POLE: variants seen among roughly 807,000 people sequenced by gnomAD.
POLE encodes DNA polymerase epsilon catalytic subunit A.
A neutral mutation model predicts 279.2 loss-of-function variants in POLE; 188 were observed. That is an observed-to-expected ratio of 0.67 (90% CI 0.60 to 0.76). The LOEUF (loss-of-function observed/expected upper bound fraction) is 0.76, where lower values mean the gene tolerates loss of function less well. Among genes scored for constraint, POLE ranks in the 30% least tolerant of loss-of-function variants. POLE has a pLI of 0.00. For missense variants in POLE, 2,703 were observed against 3,016.7 expected, an observed-to-expected ratio of 0.90 and a Z score of 2.44; for synonymous variants, 1,214 against 1,172.5, an observed-to-expected ratio of 1.04 and a Z score of -0.72.
Position 132,683,220 on chromosome 12 carries a change from G to A in POLE, c.63-1941C>T, listed in dbSNP as rs529617119. Among the ~76,000 whole-genome samples the A allele has an allele frequency of 6.6e-5, 10 of 152,166 alleles. No individual in the cohort carries two copies. In the South Asian group the frequency reaches 1.9e-3, roughly 28 times the overall value. On this transcript the variant is annotated intron_variant, in intron 1 of 48. Coordinates refer to ENST00000320574, the MANE Select transcript of POLE (RefSeq NM_006231.4). Reference sequence around the variant, plus strand: ...GTCTTTGCAGATCTGACTAAATTAAGGGCCTTGAGATTCTGCTTAGCTGGG... The same window carrying A: ...GTCTTTGCAGATCTGACTAAATTAAAGGCCTTGAGATTCTGCTTAGCTGGG...
At chr12:132,625,890 G>A (rs952114509) in intron 46 of POLE, 120 bp from the exon 47 acceptor site, 10 of 1,395,330 alleles carry the variant, frequency 7.2e-6, no homozygotes, top group African/African-American at 1.4e-5. Context: ...AGTCTCCTGA[G>A]TGCAGCTGCA....
chr12:132,681,113 G>T (rs2043156741), intron 2 of POLE, 25 bp downstream of exon 2: 1 of 1,613,160 alleles, frequency 6.2e-7, no homozygotes, highest in Non-Finnish European at 8.5e-7. Context: ...CATATTCCTG[G>T]GTGGGAGAAG....
At position 132,649,507 on chromosome 12, in the gene POLE, C is replaced by T. The variant is rs769948095; in HGVS notation, c.3804G>A (p.Trp1268Ter). 6.2e-7 allele frequency: 1 copy of T among 1,612,610 alleles called. No homozygotes were observed. Among genetic ancestry groups the T allele is most frequent in the African/African-American group, 1.3e-5 (1 of 75,034 alleles). The change falls in exon 31 of 49, where the codon TGG becomes TGA. Residue 1268 changes from tryptophan to a stop codon, truncating the protein, a stop_gained. Coordinates refer to ENST00000320574, the MANE Select transcript of POLE (RefSeq NM_006231.4). LOFTEE classifies it high-confidence loss of function. ...TCTTGTGGAACCGGAGCCAGACAAG[C>T]CATTCCTCCTGGGATGGATGGTGAG... is the stretch of plus-strand genomic sequence containing the variant. ...PPALGTSQEE[W>*]LVWLRFHKKK...
chr12:132,677,643 C>A lies in POLE; in HGVS notation c.655G>T (p.Val219Leu), dbSNP rs2043085863. The A allele has an allele frequency of 6.2e-7, 1 of 1,614,172 alleles. No individual in the cohort carries two copies. The highest frequency in any genetic ancestry group is 8.5e-7 in the Non-Finnish European group (1 of 1,180,016). ...KKIADQLDNIVDMREYDVPYH... is the reference protein window; with the variant it reads ...KKIADQLDNILDMREYDVPYH... The stretch of plus-strand genomic sequence containing the variant: ...GGAACATCGTACTCGCGCATGTCCA[C>A]AATGTTGTCCAACTGGTCAGCTATC... Residue 219 changes from valine (V) to leucine (L), a missense_variant, in exon 7 of 49, where the codon GTG becomes TTG. Transcript: ENST00000320574.
At chr12:132,646,781 G>A (rs1011341242) in intron 32 of POLE, among the ~76,000 whole-genome samples, 5 of 138,854 alleles carry the variant, frequency 3.6e-5, no homozygotes, top group Admixed American at 7.3e-5. Context: ...GCGGTGAGCC[G>A]AGATGCGCCA....
intron 26 of POLE, 153 bp from the exon 27 acceptor site, chr12:132,658,123 A>C: frequency 1.4e-5 from 8 of 587,530 alleles, no homozygotes; most frequent in Admixed American, 3.0e-5. Flanking sequence ...ATGCACAAAC[A>C]TGCCTACAGG....
Position 132,625,765 on chromosome 12 carries a change from C to T in POLE, c.6537G>A (p.Gly2179=), listed in dbSNP as rs745411511. The T allele has an allele frequency of 1.6e-5, 25 of 1,610,658 alleles. No individual in the cohort carries two copies. The highest frequency in any genetic ancestry group is 2.1e-5 in the Non-Finnish European group (25 of 1,179,952). The change falls in exon 47 of 49, where the codon GGG becomes GGA. Residue 2179 remains glycine (G), a synonymous_variant. Coordinates refer to ENST00000320574, the MANE Select transcript of POLE (RefSeq NM_006231.4). The part of the protein sequence containing the change: ...LCKDSSFSED[G]AVLPQWLCSN... ...AGCAGAGCCACTGAGGCAGGACCGC[C>T]CCATCCTAGGCAGAGCAAGAGTGCG...
intron 16 of POLE, among the ~76,000 whole-genome samples, chr12:132,669,488 A>C (rs1412335737): frequency 6.6e-6 from 1 of 152,098 alleles, no homozygotes; most frequent in Non-Finnish European, 1.5e-5. Context: ...AAAAAGAAAA[A>C]TCCTTAAAAC....
intron 6 of POLE, 56 bp downstream of exon 6, chr12:132,679,441 C>T (rs2136026704): frequency 6.5e-7 from 1 of 1,540,300 alleles, no homozygotes; most frequent in Non-Finnish European, 8.9e-7. Flanking sequence ...TTCCTGTCTC[C>T]TATCCATCTT....
chr12:132,683,878 G>C (rs376001063), intron 1 of POLE, among the ~76,000 whole-genome samples: 8 of 152,284 alleles, frequency 5.3e-5, no homozygotes, highest in South Asian at 2.1e-4. Flanking sequence ...TGAAAAATGG[G>C]GATAAGTGTC....
chr12:132,637,934 G>A, intron 41 of POLE, 80 bp downstream of exon 41: 1 of 1,521,008 alleles, frequency 6.6e-7, no homozygotes. Flanking sequence ...CACCCAGGAG[G>A]AGAGCTGGCA....
In POLE at chr12:132,642,489, G is replaced by T; in HGVS notation, c.4952+17C>A. ...TGCCTGGGGACCACTGGCCCACAACGACAGTACTGTGCTCACCTGCTCATC... is the reference window on the plus strand; with the variant it reads ...TGCCTGGGGACCACTGGCCCACAACTACAGTACTGTGCTCACCTGCTCATC... On this transcript the variant is annotated intron_variant, in intron 37 of 48. Transcript: ENST00000320574. 6.2e-7 allele frequency: 1 copy of T among 1,612,012 alleles called. No homozygotes were observed. Among genetic ancestry groups the T allele is most frequent in the South Asian group, 1.1e-5 (1 of 90,998 alleles).
At position 132,664,490 on chromosome 12, in the gene POLE, G is replaced by A. The variant is rs1181313061; in HGVS notation, c.2469-28C>T. 6.3e-7 allele frequency: 1 copy of A among 1,583,278 alleles called. No individual in the cohort carries two copies. Among genetic ancestry groups the A allele is most frequent in the African/African-American group, 1.3e-5 (1 of 74,374 alleles). Reference sequence around the variant, plus strand: ...GAGAGGACACCACAAACTGGTGGGTGGGGCTGGCATGGCTCCTCCAGGGGG... The same window carrying A: ...GAGAGGACACCACAAACTGGTGGGTAGGGCTGGCATGGCTCCTCCAGGGGG... On this transcript the variant is annotated intron_variant, in intron 21 of 48. Coordinates refer to ENST00000320574, the MANE Select transcript of POLE (RefSeq NM_006231.4). This position sits in a 1 kb window ranked among gnomAD's most constrained non-coding sequence, Gnocchi z 5.3.
At chr12:132,672,476 C>G (rs2042951653) in intron 15 of POLE, 151 bp downstream of exon 15, 5 of 1,030,738 alleles carry the variant, frequency 4.9e-6, no homozygotes, top group Non-Finnish European at 7.2e-6. Context: ...CCTAAAGAAG[C>G]CCCCGGGGGG....
In POLE at chr12:132,649,331, A is replaced by G. The variant is rs749981075; in HGVS notation, c.3980T>C (p.Leu1327Pro). 6.2e-7 allele frequency: 1 copy of G among 1,613,688 alleles called. No individual in the cohort carries two copies. Among genetic ancestry groups the G allele is most frequent in the Non-Finnish European group, 8.5e-7 (1 of 1,180,028 alleles). ...CTGCACAATCTGCCACGGAAGGTCC[A>G]GGATGCTGCGGGCAGTTCTTCGCAA... ...SFLRRTARSI[L>P]DLPWQIVQIS... Residue 1327 changes from leucine to proline, a missense_variant, in exon 31 of 49, where the codon CTG becomes CCG. Physicochemically the swap from Leu to Pro is moderately conservative, Grantham distance 98. Transcript: ENST00000320574.
chr12:132,643,132 A>G, intron 35 of POLE, 92 bp downstream of exon 35: 1 of 1,488,990 alleles, frequency 6.7e-7, no homozygotes, highest in Non-Finnish European at 9.2e-7. Flanking sequence ...CCTTGAGGAC[A>G]AGACCTGGAG....
intron 29 of POLE, among the ~76,000 whole-genome samples, chr12:132,656,383 C>T (rs981905284): frequency 4.0e-5 from 6 of 150,482 alleles, no homozygotes; most frequent in African/African-American, 7.3e-5. Context: ...TTTTTTGAGA[C>T]GGAGTCTCGC....
chr12:132,630,567 T>G (rs1441636747), intron 45 of POLE, among the ~76,000 whole-genome samples: 1 of 151,918 alleles, frequency 6.6e-6, no homozygotes, highest in African/African-American at 2.4e-5. Context: ...CTGGCCAACA[T>G]GGTGAAACTC....
intron 12 of POLE, among the ~76,000 whole-genome samples, chr12:132,674,096 G>A (rs1239232538): frequency 1.3e-5 from 2 of 151,992 alleles, no homozygotes; most frequent in East Asian, 3.9e-4. Context: ...CCTTCAGCAC[G>A]GAAACACTCA....
Sources: allele counts gnomAD v4.1 joint callset (sites outside exome capture counted in the v4.1 genomes callset), GRCh38; gene constraint gnomAD v4.1.1; non-coding constraint Gnocchi (gnomAD v3.1); transcripts MANE v1.5; gene names NCBI Gene and HGNC (gene_info 2026-07-23, HGNC 2026-07-21).